IQCH: variants seen among roughly 807,000 people sequenced by gnomAD.
IQCH encodes IQ domain-containing protein H.
In IQCH, 98 loss-of-function variants were observed where a neutral mutation model predicts 117.0. The observed-to-expected ratio is 0.84, with a 90% CI of 0.71 to 0.99. IQCH has a LOEUF of 0.99. Among genes scored for constraint, IQCH ranks in the 50% least tolerant of loss-of-function variants. The pLI is 0.00. For synonymous variants in IQCH, 412 were observed against 448.2 expected, an observed-to-expected ratio of 0.92 and a Z score of 1.02; for missense variants, 1,102 against 1,243.8, an observed-to-expected ratio of 0.89 and a Z score of 1.72.
At chr15:67,429,834 G>A (rs944498366) in intron 16 of IQCH, among the ~76,000 whole-genome samples, 1 of 152,218 alleles carries the variant, frequency 6.6e-6, no homozygotes, top group Non-Finnish European at 1.5e-5. Context: ...TCCCACAATT[G>A]TGAATCAACT....
At chr15:67,484,465 T>C (rs2083419674) in intron 18 of IQCH, among the ~76,000 whole-genome samples, 1 of 150,678 alleles carries the variant, frequency 6.6e-6, no homozygotes, top group South Asian at 2.1e-4. Flanking sequence ...GCGCTGTGGC[T>C]CATCCCTGTA....
chr15:67,277,530 C>CTTTTT (rs574311972), intron 3 of IQCH, among the ~76,000 whole-genome samples: 2 of 128,858 alleles, frequency 1.6e-5, no homozygotes, highest in Non-Finnish European at 3.2e-5. Flanking sequence ...CCTCCAGTAT[C>CTTTTT]TTTTTTTTTT....
At chr15:67,353,541 G>C (rs1043287664) in intron 6 of IQCH, among the ~76,000 whole-genome samples, 1 of 151,924 alleles carries the variant, frequency 6.6e-6, no homozygotes. Flanking sequence ...TTGTATTTTA[G>C]TAGAGAGAGG....
rs752444584 is a variant in IQCH, at chr15:67,254,868, C to G, written c.-29C>G. 4.8e-5 allele frequency: 78 copies of G among 1,610,492 alleles called. No homozygotes were observed. Among genetic ancestry groups the G allele is most frequent in the Non-Finnish European group, 5.8e-5 (68 of 1,178,046 alleles). On this transcript the variant is annotated 5_prime_UTR_variant, in exon 1 of 21. Transcript: ENST00000335894. Reference sequence around the variant, plus strand: ...TTTCCGTGCTTGGAAACCGCGCCTCCGCGGAGGTAGCCGTTCCCTGACCTA... The same window carrying G: ...TTTCCGTGCTTGGAAACCGCGCCTCGGCGGAGGTAGCCGTTCCCTGACCTA...
In IQCH at chr15:67,274,873, A is replaced by G. The variant is rs1272515117; in HGVS notation, c.270-4522A>G. On this transcript the variant is annotated intron_variant, in intron 3 of 20. Coordinates refer to ENST00000335894, the MANE Select transcript of IQCH (RefSeq NM_001031715.3). ...AGGTTGCTGTCTCCTTTTTGGCACT[A>G]GATGGCAACTTAAGCCCGGATTTGT... Among the ~76,000 whole-genome samples the G allele has an allele frequency of 2.6e-5, 4 of 152,062 alleles. No individual in the cohort carries two copies. The East Asian group carries it at 7.7e-4, about 29-fold the overall frequency.
intron 16 of IQCH, among the ~76,000 whole-genome samples, chr15:67,435,276 T>C (rs1291677494): frequency 1.3e-5 from 2 of 152,098 alleles, no homozygotes; most frequent in Non-Finnish European, 2.9e-5. Context: ...CTGTTGGCCA[T>C]TCGTATGTCT....
chr15:67,375,303 T>G (rs1970699030), intron 10 of IQCH, among the ~76,000 whole-genome samples: 1 of 152,128 alleles, frequency 6.6e-6, no homozygotes, highest in African/African-American at 2.4e-5. Flanking sequence ...GGCGCAGGCC[T>G]GTAGTCCTTC....
rs1334397589 is a variant in IQCH at position 67,457,034 on chromosome 15, T to C, written c.2506-8093T>C. Among the ~76,000 whole-genome samples the C allele has an allele frequency of 6.6e-6, 1 of 152,096 alleles. No individual in the cohort carries two copies. Among genetic ancestry groups the C allele is most frequent in the Non-Finnish European group, 1.5e-5 (1 of 68,018 alleles). On this transcript the variant is annotated intron_variant, in intron 16 of 20. Transcript: ENST00000335894. The surrounding 1 kb of genome is among the most constrained non-coding windows in gnomAD (Gnocchi z 5.7). ...GCCTCTAAGCTGAAAACCAAGAGGC[T>C]CAATTGCTGACCGGGGTGACTGCCC...
chr15:67,438,488 A>G (rs2140959299), intron 16 of IQCH, among the ~76,000 whole-genome samples: 1 of 152,328 alleles, frequency 6.6e-6, no homozygotes, highest in East Asian at 1.9e-4. Context: ...ACAAAAATAC[A>G]AGTTAAAAAG....
rs899394951 is a variant in IQCH, at chr15:67,453,296, G to A, written c.2506-11831G>A. Among the ~76,000 whole-genome samples the A allele has an allele frequency of 6.6e-6, 1 of 152,138 alleles. No homozygotes were observed. The highest frequency in any genetic ancestry group is 6.5e-5 in the Admixed American group (1 of 15,282). ...GCTGCGTTCCTTTGGAGGAGGAGAG[G>A]CGCTCTGCTTTTTAGAGTTTCCAGT... On this transcript the variant is annotated intron_variant, in intron 16 of 20. Transcript: ENST00000335894. This position sits in a 1 kb window ranked among gnomAD's most constrained non-coding sequence, Gnocchi z 5.8.
At chr15:67,367,009 C>T (rs1340714553) in intron 8 of IQCH, among the ~76,000 whole-genome samples, 1 of 151,890 alleles carries the variant, frequency 6.6e-6, no homozygotes, top group Admixed American at 6.6e-5. Flanking sequence ...AAGCCAATAC[C>T]CCTGCAGGGG....
chr15:67,282,891 T>G (rs1382006937), intron 4 of IQCH, among the ~76,000 whole-genome samples: 1 of 152,194 alleles, frequency 6.6e-6, no homozygotes, highest in Non-Finnish European at 1.5e-5. Context: ...AATTTAGAAT[T>G]GTTTATTAAG....
At chr15:67,280,079 T>C (rs1233135484) in intron 4 of IQCH, among the ~76,000 whole-genome samples, 2 of 152,240 alleles carry the variant, frequency 1.3e-5, no homozygotes, top group Non-Finnish European at 2.9e-5. Flanking sequence ...TAAAAACTTT[T>C]TAAAAGAGTA....
chr15:67,368,112 G>A (rs1970399707), intron 8 of IQCH, among the ~76,000 whole-genome samples: 2 of 152,198 alleles, frequency 1.3e-5, no homozygotes, highest in African/African-American at 4.8e-5. Context: ...TTCAGAGGGT[G>A]TAGTAACTTG....
rs2082031071 is a variant in IQCH, at chr15:67,432,023, G to A, written c.2505+10446G>A. Among the ~76,000 whole-genome samples the A allele has an allele frequency of 6.6e-6, 1 of 152,146 alleles. No homozygotes were observed. The highest frequency in any genetic ancestry group is 2.4e-5 in the African/African-American group (1 of 41,424). On this transcript the variant is annotated intron_variant, in intron 16 of 20. Coordinates refer to ENST00000335894, the MANE Select transcript of IQCH (RefSeq NM_001031715.3). The surrounding 1 kb of genome is among the most constrained non-coding windows in gnomAD (Gnocchi z 5.0). ...CCACTGCACTCCAGCCTGGATGACA[G>A]AGCAAGACCCTGTCTCAAAAATAAA...
At chr15:67,367,930 A>C (rs1025207763) in intron 8 of IQCH, among the ~76,000 whole-genome samples, 1 of 152,190 alleles carries the variant, frequency 6.6e-6, no homozygotes, top group African/African-American at 2.4e-5. Context: ...TCTGCCAACT[A>C]GCTTTGTGAT....
intron 17 of IQCH, among the ~76,000 whole-genome samples, chr15:67,471,724 T>A (rs2083075352): frequency 6.6e-6 from 1 of 152,208 alleles, no homozygotes; most frequent in Non-Finnish European, 1.5e-5. Context: ...CAGACACTAT[T>A]CCAAGGTCTT....
In IQCH at chr15:67,365,019, C is replaced by T. The variant is rs947082927; in HGVS notation, c.753+5134C>T. Among the ~76,000 whole-genome samples, 2 of 152,226 alleles carry T rather than the reference C, an allele frequency of 1.3e-5. No homozygotes were observed. The highest frequency in any genetic ancestry group is 4.8e-5 in the African/African-American group (2 of 41,466). On this transcript the variant is annotated intron_variant, in intron 8 of 20. Coordinates refer to ENST00000335894, the MANE Select transcript of IQCH (RefSeq NM_001031715.3). This position sits in a 1 kb window ranked among gnomAD's most constrained non-coding sequence, Gnocchi z 4.4. ...GCAGTGGCACGATTGTGGCTCACTG[C>T]AGCCTTGACCTGCCGGGGCTCAAGC...
intron 18 of IQCH, among the ~76,000 whole-genome samples, chr15:67,484,819 C>A (rs1295546714): frequency 6.6e-6 from 1 of 151,738 alleles, no homozygotes. Flanking sequence ...ACTGGTCTGC[C>A]AAAAACAAAA....
Sources: gnomAD v4.1 joint callset for allele counts (sites outside exome capture counted in the v4.1 genomes callset) on GRCh38, gnomAD v4.1.1 for gene constraint, Gnocchi (gnomAD v3.1) non-coding constraint, MANE v1.5 for transcripts, NCBI Gene and HGNC (gene_info 2026-07-23, HGNC 2026-07-21) for gene names.